EYS: variants seen among roughly 807,000 people sequenced by gnomAD.
EYS encodes EGF-like photoreceptor maintenance factor.
A neutral mutation model predicts 282.1 loss-of-function variants in EYS; 250 were observed. That is an observed-to-expected ratio of 0.89 (90% CI 0.80 to 0.98). The LOEUF (loss-of-function observed/expected upper bound fraction) is 0.98, where lower values mean the gene tolerates loss of function less well. Ranked by LOEUF, EYS falls within the 50% of genes least tolerant of loss-of-function variation. EYS has a pLI of 0.00. For synonymous variants in EYS, 1,355 were observed against 1,282.9 expected (o/e 1.06, Z -1.20); for missense variants, 4,016 against 3,709.0 (o/e 1.08, Z -2.15).
rs537074381 is a variant in EYS at position 64,851,242 on chromosome 6, C to G, written c.2993-28420G>C. On this transcript the variant is annotated intron_variant, in intron 19 of 42. Transcript: ENST00000503581. ...AACATCAAGCCAGAAAGAATTATTC[C>G]TATGACTTGAGGCAATAGAGTTTTC... is the stretch of plus-strand genomic sequence containing the variant. Among the ~76,000 whole-genome samples, 11 of 152,150 alleles carry G rather than the reference C, an allele frequency of 7.2e-5. No homozygotes were observed. In the South Asian group the frequency reaches 2.3e-3, roughly 32 times the overall value.
chr6:64,285,221 C>G (rs912720666), intron 30 of EYS, among the ~76,000 whole-genome samples: 2 of 150,710 alleles, frequency 1.3e-5, no homozygotes, highest in Non-Finnish European at 2.9e-5. Flanking sequence ...TTCCAAATCA[C>G]CTCTTGAATG....
chr6:64,238,360 T>C (rs1582468646), intron 30 of EYS, among the ~76,000 whole-genome samples: 1 of 152,280 alleles, frequency 6.6e-6, no homozygotes, highest in African/African-American at 2.4e-5. Flanking sequence ...CTGATTTTAC[T>C]TTCTCATGCC....
At chr6:64,658,805 C>A (rs1451800465) in intron 22 of EYS, among the ~76,000 whole-genome samples, 1 of 152,138 alleles carries the variant, frequency 6.6e-6, no homozygotes, top group African/African-American at 2.4e-5. Flanking sequence ...GGGGTCACCC[C>A]ACTGTCAATA....
At chr6:64,745,543 T>G (rs1179610499) in intron 22 of EYS, among the ~76,000 whole-genome samples, 1 of 152,176 alleles carries the variant, frequency 6.6e-6, no homozygotes. Context: ...AAAAATAGAC[T>G]TTACTCATTA....
chr6:64,530,823 A>G (rs1222663639), intron 26 of EYS, among the ~76,000 whole-genome samples: 2 of 152,124 alleles, frequency 1.3e-5, no homozygotes, highest in African/African-American at 2.4e-5. Flanking sequence ...TTCAAAATCA[A>G]GCAGAATTAC....
At chr6:64,353,320 G>C (rs1771710231) in intron 29 of EYS, among the ~76,000 whole-genome samples, 1 of 151,470 alleles carries the variant, frequency 6.6e-6, no homozygotes, top group African/African-American at 2.4e-5. Context: ...CCTCATTTGA[G>C]TCCTGTAGCA....
rs1287892842 is a variant in EYS at position 65,680,767 on chromosome 6, C to T, written c.-448+26368G>A. Among the ~76,000 whole-genome samples the T allele has an allele frequency of 2.6e-5, 4 of 151,980 alleles. 1 individual carries two copies. In the South Asian group the frequency reaches 8.3e-4, roughly 31 times the overall value. On this transcript the variant is annotated intron_variant, in intron 1 of 42. Coordinates refer to ENST00000503581, the MANE Select transcript of EYS (RefSeq NM_001142800.2). ...ACAGAGGAGATGTGGGGATTCCTCA[C>T]CATCAGCAAAGAAGTGATCAATTCT...
intron 5 of EYS, among the ~76,000 whole-genome samples, chr6:65,431,407 T>C (rs1767881946): frequency 6.6e-6 from 1 of 152,146 alleles, no homozygotes; most frequent in Non-Finnish European, 1.5e-5. Flanking sequence ...AAGATAGTTG[T>C]CTTCTATTCA....
At chr6:64,417,733 C>T (rs915000749) in intron 28 of EYS, among the ~76,000 whole-genome samples, 3 of 142,070 alleles carry the variant, frequency 2.1e-5, no homozygotes, top group African/African-American at 5.2e-5. Flanking sequence ...CGCAGTGGCA[C>T]AATCTTGGCT....
chr6:65,450,353 C>A (rs1208593806), intron 5 of EYS, among the ~76,000 whole-genome samples: 4 of 151,998 alleles, frequency 2.6e-5, no homozygotes, highest in Non-Finnish European at 5.9e-5. Context: ...TTATGAAGTG[C>A]AATTTTATAT....
chr6:65,598,569 C>T (rs1029635066), intron 2 of EYS, among the ~76,000 whole-genome samples: 14 of 152,060 alleles, frequency 9.2e-5, no homozygotes, highest in African/African-American at 2.7e-4. Context: ...TTCATATATA[C>T]CTTTTTTACT....
At chr6:64,625,665 G>A (rs758167620) in intron 23 of EYS, among the ~76,000 whole-genome samples, 17 of 152,280 alleles carry the variant, frequency 1.1e-4, no homozygotes, top group Middle Eastern at 6.8e-3. Context: ...GAATTTCAGG[G>A]AGACACAAAT....
At chr6:63,971,799 C>A (rs1333385306) in intron 35 of EYS, among the ~76,000 whole-genome samples, 1 of 152,198 alleles carries the variant, frequency 6.6e-6, no homozygotes, top group Non-Finnish European at 1.5e-5. Context: ...GCATGATTTT[C>A]TGCCAATTTT....
At chr6:63,832,018 C>T (rs192556348) in intron 36 of EYS, among the ~76,000 whole-genome samples, 320 of 152,036 alleles carry the variant, frequency 2.1e-3, no homozygotes, top group Non-Finnish European at 2.8e-3. Flanking sequence ...TTGAAACCAA[C>T]GAGAACAAAG....
intron 5 of EYS, among the ~76,000 whole-genome samples, chr6:65,445,333 C>T (rs891119740): frequency 2.0e-5 from 3 of 151,718 alleles, no homozygotes; most frequent in African/African-American, 7.3e-5. Flanking sequence ...TATAGTTTAA[C>T]TTAATTTATT....
chr6:65,261,302 TAC>T (rs1160047708), intron 12 of EYS, among the ~76,000 whole-genome samples: 1 of 151,910 alleles, frequency 6.6e-6, no homozygotes, highest in Non-Finnish European at 1.5e-5. Context: ...AATATATATA[TAC>T]ACACACAAAC....
At chr6:64,066,312 GA>G (rs1459412204) in intron 33 of EYS, 25 bp downstream of exon 33, 3 of 1,523,714 alleles carry the variant, frequency 2.0e-6, no homozygotes, top group African/African-American at 2.8e-5. Context: ...CAGCACGAAA[GA>G]ACTACCGTGG....
chr6:64,545,703 C>A (rs1764836603), intron 26 of EYS, among the ~76,000 whole-genome samples: 1 of 152,160 alleles, frequency 6.6e-6, no homozygotes, highest in South Asian at 2.1e-4. Context: ...GTGCAAAAAT[C>A]ACAAGCATTC....
chr6:64,102,433 ATATCT>A (rs1385004565), intron 31 of EYS, among the ~76,000 whole-genome samples: 3 of 152,142 alleles, frequency 2.0e-5, no homozygotes, highest in African/African-American at 7.2e-5. Flanking sequence ...ATTCATAAAA[ATATCT>A]TAAATGATAA....
Sources: allele counts gnomAD v4.1 joint callset (sites outside exome capture counted in the v4.1 genomes callset), GRCh38; gene constraint gnomAD v4.1.1; transcripts MANE v1.5; gene names NCBI Gene and HGNC (gene_info 2026-07-23, HGNC 2026-07-21).